Variants in UGT1A7 observed in about 807,000 individuals in gnomAD.
The protein encoded by UGT1A7 is UDP glucuronosyltransferase family 1 member A7.
Under a neutral mutation model 45.6 loss-of-function variants are expected in UGT1A7, and 33 were observed. The observed-to-expected ratio is 0.72, with a 90% CI of 0.55 to 0.97. The LOEUF is 0.97. UGT1A7 is among the 50% of genes least tolerant of loss of function. The pLI is 0.00. For missense variants in UGT1A7, 684 were observed against 666.2 expected, an observed-to-expected ratio of 1.03 and a Z score of -0.29; for synonymous variants, 274 against 250.6, an observed-to-expected ratio of 1.09 and a Z score of -0.88.
intron 1 of UGT1A7, among the ~76,000 whole-genome samples, chr2:233,722,815 A>G: frequency 6.6e-6 from 1 of 151,158 alleles, no homozygotes; most frequent in East Asian, 1.9e-4. Context: ...TTATTTTTTC[A>G]AGTTATTTTG....
At chr2:233,729,445 C>G (rs375300323) in intron 1 of UGT1A7, 1 of 1,613,820 alleles carries the variant, frequency 6.2e-7, no homozygotes, top group African/African-American at 1.3e-5. Flanking sequence ...AGAACATTTT[C>G]TGAAGAAATT....
chr2:233,711,423 C>G (rs2076180773), intron 1 of UGT1A7, among the ~76,000 whole-genome samples: 1 of 152,194 alleles, frequency 6.6e-6, no homozygotes. Context: ...CAGGAGGGTG[C>G]TTAGGATGCA....
At chr2:233,713,461 G>A in intron 1 of UGT1A7, 7 of 1,614,080 alleles carry the variant, frequency 4.3e-6, no homozygotes, top group Non-Finnish European at 5.9e-6. Flanking sequence ...TTTCACCTCT[G>A]CGCGGCGGTG....
intron 1 of UGT1A7, among the ~76,000 whole-genome samples, chr2:233,710,198 G>T (rs1472621460): frequency 6.6e-6 from 1 of 152,194 alleles, no homozygotes; most frequent in African/African-American, 2.4e-5. Flanking sequence ...ATAGTTTCCA[G>T]TTGTTGGCTA....
chr2:233,719,067 C>T (rs769802516), intron 1 of UGT1A7: 180 of 1,614,260 alleles, frequency 1.1e-4, no homozygotes, highest in East Asian at 4.0e-4. Flanking sequence ...CTATGCTGTT[C>T]CATGGACCCA....
Position 233,754,563 on chromosome 2 carries a change from C to T in UGT1A7, c.856-12471C>T, listed in dbSNP as rs1133493. 9 of 399,474 alleles carry T rather than the reference C, an allele frequency of 2.3e-5. No homozygotes were observed. The East Asian group carries it at 2.9e-4, about 13-fold the overall frequency. 24.7% of individuals were successfully genotyped at this position (399,474 alleles called of 1,614,324 possible). On this transcript the variant is annotated intron_variant, in intron 1 of 4. Transcript: ENST00000373426. ...GGAATTACTTGGTGTCAATGGGGAG[C>T]AACTGCTCTATGCCGTTTATTATGA... is the stretch of plus-strand genomic sequence containing the variant.
chr2:233,770,652 C>T (rs985386042), intron 4 of UGT1A7: 7 of 150,004 alleles, frequency 4.7e-5, no homozygotes, highest in Non-Finnish European at 1.0e-4. Context: ...AGTGAGACTC[C>T]GTCTTACTTA....
intron 1 of UGT1A7, among the ~76,000 whole-genome samples, chr2:233,695,331 G>A (rs1032030630): frequency 4.8e-4 from 73 of 151,796 alleles, no homozygotes; most frequent in African/African-American, 1.7e-3. Context: ...TCACCACGTT[G>A]GCCAGGATGG....
chr2:233,712,012 T>G (rs2076210233), intron 1 of UGT1A7, among the ~76,000 whole-genome samples: 1 of 152,224 alleles, frequency 6.6e-6, no homozygotes, highest in Non-Finnish European at 1.5e-5. Flanking sequence ...GGAACCATTC[T>G]TATCAGAACT....
chr2:233,713,539 A>G, intron 1 of UGT1A7: 1 of 1,613,964 alleles, frequency 6.2e-7, no homozygotes, highest in Non-Finnish European at 8.5e-7. Flanking sequence ...TTAGACTTTA[A>G]GGGCACACAG....
intron 1 of UGT1A7, among the ~76,000 whole-genome samples, chr2:233,738,401 T>G (rs1318254464): frequency 6.6e-6 from 1 of 152,210 alleles, no homozygotes; most frequent in African/African-American, 2.4e-5. Context: ...GACTTGGAAC[T>G]GGGTAACAGG....
At chr2:233,717,531 G>A (rs948742464) in intron 1 of UGT1A7, among the ~76,000 whole-genome samples, 1 of 152,242 alleles carries the variant, frequency 6.6e-6, no homozygotes, top group Non-Finnish European at 1.5e-5. Context: ...CTCCATAAGG[G>A]AAGCCTCAGC....
intron 1 of UGT1A7, chr2:233,729,607 C>A (rs776036821): frequency 1.2e-6 from 2 of 1,613,986 alleles, no homozygotes; most frequent in South Asian, 2.2e-5. Context: ...CGCGGCAGTG[C>A]TGGCTAAGTA....
chr2:233,713,633 G>A (rs1299341019), intron 1 of UGT1A7: 5 of 1,613,960 alleles, frequency 3.1e-6, no homozygotes, highest in Non-Finnish European at 2.5e-6. Context: ...TCAAGAACAT[G>A]CTCTACCCTC....
At position 233,681,951 on chromosome 2, in the gene UGT1A7, G is replaced by T. The variant is rs2074546846; in HGVS notation, c.14G>T (p.Gly5Val). MARA[G>V]WTGLLPLYVC... ...TGAAGTTCTCTGATGGCTCGTGCAG[G>T]GTGGACTGGCCTCCTTCCCCTATAT... is the stretch of plus-strand genomic sequence containing the variant. The change falls in exon 1 of 5, where the codon GGG becomes GTG. Residue 5 changes from glycine to valine, a missense_variant. Physicochemically the swap from Gly to Val is moderately radical, Grantham distance 109 (BLOSUM62 -3). Coordinates refer to ENST00000373426, the MANE Select transcript of UGT1A7 (RefSeq NM_019077.3). 6.2e-7 allele frequency: 1 copy of T among 1,613,734 alleles called. No homozygotes were observed. The highest frequency in any genetic ancestry group is 8.5e-7 in the Non-Finnish European group (1 of 1,179,758).
chr2:233,726,035 G>A (rs1399776855), intron 1 of UGT1A7, among the ~76,000 whole-genome samples: 10 of 152,160 alleles, frequency 6.6e-5, no homozygotes, highest in Admixed American at 4.6e-4. Context: ...GTGTGATGGC[G>A]CACACCTGTG....
At chr2:233,708,468 C>T (rs1383966738) in intron 1 of UGT1A7, 1 of 152,162 alleles carries the variant, frequency 6.6e-6, no homozygotes, top group African/African-American at 2.4e-5. Context: ...ATTGATGCAA[C>T]TGGCTGAGCG....
chr2:233,754,732 C>T (rs561827604), intron 1 of UGT1A7: 4 of 641,140 alleles, frequency 6.2e-6, no homozygotes, highest in African/African-American at 5.6e-5. Flanking sequence ...CCATCACTAC[C>T]GTAGGACATG....
chr2:233,752,000 T>A (rs1694866049), intron 1 of UGT1A7, among the ~76,000 whole-genome samples: 1 of 152,106 alleles, frequency 6.6e-6, no homozygotes, highest in African/African-American at 2.4e-5. Context: ...TTGAGAAAGT[T>A]GATGAGAAAG....
Sources: allele counts gnomAD v4.1 joint callset (sites outside exome capture counted in the v4.1 genomes callset), GRCh38; gene constraint gnomAD v4.1.1; transcripts MANE v1.5; gene names NCBI Gene and HGNC (gene_info 2026-07-23, HGNC 2026-07-21).